Variants in POLA1 observed in about 807,000 individuals in gnomAD.
POLA1 encodes DNA polymerase alpha 1, catalytic subunit.
Under a neutral mutation model 124.0 loss-of-function variants are expected in POLA1, and 15 were observed. The observed-to-expected ratio is 0.12, with a 90% confidence interval of 0.08 to 0.19. The LOEUF is 0.19. Ranked by LOEUF, POLA1 falls within the 10% of genes least tolerant of loss-of-function variation. The pLI, the probability that POLA1 is intolerant of heterozygous loss-of-function variation, is 1.00. For synonymous variants in POLA1, 408 were observed against 389.4 expected (o/e 1.05, Z -0.56); for missense variants, 886 against 1,103.4 (o/e 0.80, Z 2.79).
intron 20 of POLA1, among the ~76,000 whole-genome samples, chrX:24,740,447 C>G (rs952892446): frequency 9.0e-6 from 1 of 111,677 alleles, no homozygotes; most frequent in Non-Finnish European, 1.9e-5. Flanking sequence ...TACTTTTGCC[C>G]TTACCCCCTT....
intron 34 of POLA1, among the ~76,000 whole-genome samples, chrX:24,863,174 G>A (rs960147484): frequency 9.0e-6 from 1 of 110,607 alleles, no homozygotes; most frequent in African/African-American, 3.3e-5. Context: ...TTAATATGAT[G>A]GTGAAAGAAT....
chrX:24,850,853 A>G (rs1367948817), intron 34 of POLA1, among the ~76,000 whole-genome samples: 1 of 112,212 alleles, frequency 8.9e-6, no homozygotes, highest in Non-Finnish European at 1.9e-5. Flanking sequence ...CACTGTTCCA[A>G]TCTGAGACAT....
intron 35 of POLA1, among the ~76,000 whole-genome samples, chrX:24,910,772 G>A (rs772979715): frequency 8.9e-6 from 1 of 111,804 alleles, no homozygotes; most frequent in African/African-American, 3.2e-5. Context: ...TGGCAGAAAG[G>A]AAAGGAAAAA....
In POLA1 at chrX:24,739,495, A is replaced by G. The variant is rs1380307134; in HGVS notation, c.2161A>G (p.Ile721Val). ...CCATCTGTCTGAACTTGTTCAGCAG[A>G]TTCTAAAAACTGAAAGGGTTGTAAT... ...SYHLSELVQQILKTERVVIPM... is the reference protein window; with the variant it reads ...SYHLSELVQQVLKTERVVIPM... Residue 721 changes from isoleucine to valine, a missense_variant, in exon 20 of 37, where the codon ATT (isoleucine) becomes GTT (valine). This residue lies in a region of POLA1 where 182 missense variants were observed against 252.8 expected (regional missense o/e 0.72). Transcript: ENST00000379068. The G allele has an allele frequency of 2.5e-6, 3 of 1,192,187 alleles. No individual in the cohort carries two copies. Among genetic ancestry groups the G allele is most frequent in the Non-Finnish European group, 3.4e-6 (3 of 880,496 alleles).
chrX:24,928,954 A>G (rs776044488), intron 35 of POLA1, among the ~76,000 whole-genome samples: 1 of 112,184 alleles, frequency 8.9e-6, no homozygotes, highest in East Asian at 2.8e-4. Flanking sequence ...AAAAAAGACA[A>G]TAGCCCTGAC....
chrX:24,970,417 G>A (rs1483018166), intron 36 of POLA1, among the ~76,000 whole-genome samples: 12 of 111,959 alleles, frequency 1.1e-4, no homozygotes, highest in Admixed American at 4.7e-4. Flanking sequence ...TAATGAAAAC[G>A]CAAAAGCAAT....
At chrX:24,794,863 A>AT (rs1195656884) in intron 26 of POLA1, among the ~76,000 whole-genome samples, 59 of 105,022 alleles carry the variant, frequency 5.6e-4, no homozygotes, top group African/African-American at 1.7e-3. Flanking sequence ...TTCGGCTTGC[A>AT]TTTTTTTTTT....
At position 24,695,895 on chromosome X, in the gene POLA1, G is replaced by T. The variant is rs530319744; in HGVS notation, c.43+1891G>T. 4.6e-4 allele frequency among the ~76,000 whole-genome samples: 52 copies of T among 112,708 alleles called. No individual in the cohort carries two copies. In the South Asian group the frequency reaches 0.017, roughly 38 times the overall value. On this transcript the variant is annotated intron_variant, in intron 1 of 36. Coordinates refer to ENST00000379068, the MANE Select transcript of POLA1 (RefSeq NM_001330360.2). ...TTCTGCCAGGCTCTGGCATTATGAT[G>T]GTGGGTAGGCTGGACATGGTTTGTC...
chrX:24,791,283 C>T (rs779588689), intron 26 of POLA1, among the ~76,000 whole-genome samples: 8 of 111,922 alleles, frequency 7.1e-5, no homozygotes, highest in Non-Finnish European at 1.3e-4. Flanking sequence ...GGAGATGTCA[C>T]TGACCCTGCC....
At chrX:24,701,866 G>A (rs1928457006) in intron 2 of POLA1, among the ~76,000 whole-genome samples, 1 of 109,070 alleles carries the variant, frequency 9.2e-6, no homozygotes. Flanking sequence ...CGATTCTCCT[G>A]CTTCAGCCTC....
At chrX:24,709,582 C>T (rs1929202142) in intron 4 of POLA1, among the ~76,000 whole-genome samples, 1 of 103,839 alleles carries the variant, frequency 9.6e-6, no homozygotes, top group Non-Finnish European at 2.0e-5. Flanking sequence ...AGAGGCTCCT[C>T]ACTTCTCAGA....
chrX:24,930,497 C>T lies in POLA1; in HGVS notation c.4209C>T (p.Tyr1403=), dbSNP rs1235103739. 1.7e-6 allele frequency: 2 copies of T among 1,197,861 alleles called. No homozygotes were observed. Among genetic ancestry groups the T allele is most frequent in the East Asian group, 3.0e-5 (1 of 33,800 alleles). ...ACACCCAGCTGTGCTTTTACCGGTA[C>T]ATTTTTGATGCGGAGTGTGCACTGG... The part of the protein sequence containing the change: ...SLYTQLCFYR[Y]IFDAECALEK... Residue 1403 remains tyrosine, a synonymous_variant, in exon 36 of 37, where the codon TAC becomes TAT. Coordinates refer to ENST00000379068, the MANE Select transcript of POLA1 (RefSeq NM_001330360.2).
intron 29 of POLA1, among the ~76,000 whole-genome samples, chrX:24,814,633 T>C (rs11573414): frequency 0.097 from 10,781 of 111,647 alleles, 1,081 homozygotes; most frequent in African/African-American, 0.3. Flanking sequence ...TTTTATCTTA[T>C]GAGGAGAATA....
At chrX:24,724,215 A>G in intron 11 of POLA1, 120 bp from the exon 12 acceptor site, 1 of 432,667 alleles carries the variant, frequency 2.3e-6, no homozygotes, top group South Asian at 4.0e-5. Flanking sequence ...TAAGACTGCT[A>G]TTAAATGTTT....
intron 35 of POLA1, among the ~76,000 whole-genome samples, chrX:24,888,955 C>T (rs958796665): frequency 5.5e-5 from 6 of 110,054 alleles, no homozygotes; most frequent in Non-Finnish European, 9.5e-5. Flanking sequence ...CTGCAATCTC[C>T]GCTTCCCATG....
Position 24,834,477 on chromosome X carries a change from T to C in POLA1, c.3737-7175T>C, listed in dbSNP as rs757824522. 5.4e-5 allele frequency among the ~76,000 whole-genome samples: 6 copies of C among 112,095 alleles called. No homozygotes were observed. The South Asian group carries it at 2.2e-3, about 42-fold the overall frequency. On this transcript the variant is annotated intron_variant, in intron 32 of 36. Transcript: ENST00000379068. ...TCTTTAAATTGGATCTGTAGTATTT[T>C]AAAAACTTGTTGGGCTGGGCATGGT...
chrX:24,741,140 TGTGTGTGC>T (rs1455173254), intron 20 of POLA1, among the ~76,000 whole-genome samples: 10 of 84,682 alleles, frequency 1.2e-4, no homozygotes, highest in East Asian at 9.0e-4. Flanking sequence ...TGTGTGTGTG[TGTGTGTGC>T]GCGCGTGTGT....
chrX:24,923,273 C>T (rs968603853), intron 35 of POLA1, among the ~76,000 whole-genome samples: 1 of 111,823 alleles, frequency 8.9e-6, no homozygotes, highest in Non-Finnish European at 1.9e-5. Context: ...AATTTCATCA[C>T]AGCAGATGCT....
At chrX:24,853,813 G>C (rs1459600422) in intron 34 of POLA1, among the ~76,000 whole-genome samples, 3 of 111,969 alleles carry the variant, frequency 2.7e-5, no homozygotes, top group Non-Finnish European at 5.6e-5. Flanking sequence ...TTTGAACAGA[G>C]TGGTTAGTTC....
Sources: gnomAD v4.1 joint callset for allele counts (sites outside exome capture counted in the v4.1 genomes callset) on GRCh38, gnomAD v4.1.1 for gene constraint, gnomAD v4.1.1 regional missense constraint, MANE v1.5 for transcripts, NCBI Gene and HGNC (gene_info 2026-07-23, HGNC 2026-07-21) for gene names.